Variants in DOCK1 observed in about 807,000 individuals in gnomAD.
DOCK1 encodes the protein dedicator of cytokinesis protein 1.
In DOCK1, 138 loss-of-function variants were observed where a neutral mutation model predicts 262.7. That is an observed-to-expected ratio of 0.53 (90% CI 0.46 to 0.61). The LOEUF (loss-of-function observed/expected upper bound fraction) is 0.61, where lower values mean the gene tolerates loss of function less well. Among genes scored for constraint, DOCK1 ranks in the 20% least tolerant of loss-of-function variants. DOCK1 has a pLI of 0.00. For synonymous variants in DOCK1, 866 were observed against 867.4 expected, an observed-to-expected ratio of 1.00 and a Z score of 0.03; for missense variants, 1,908 against 2,370.7, an observed-to-expected ratio of 0.80 and a Z score of 4.05.
chr10:127,219,913 C>T (rs1271959077), intron 27 of DOCK1, among the ~76,000 whole-genome samples: 1 of 152,150 alleles, frequency 6.6e-6, no homozygotes, highest in Non-Finnish European at 1.5e-5. Context: ...TGTTGACTTA[C>T]ACCCTGGCAG....
chr10:127,154,060 A>G lies in DOCK1; in HGVS notation c.2847+26296A>G, dbSNP rs2052780859. 4 of 649,002 alleles carry G rather than the reference A, an allele frequency of 6.2e-6. No homozygotes were observed. In the South Asian group the frequency reaches 7.4e-5, roughly 12 times the overall value. 40.2% of individuals were successfully genotyped at this position (649,002 alleles called of 1,614,324 possible). A position where few individuals can be genotyped will look rare whatever the true frequency, so the allele number is the denominator to read the frequency against. ...GGAAATTGATTAATGCATGCTTCCCAGTTTGCTCCTGTCTCTGCTTTCGTT... is the reference window on the plus strand; with the variant it reads ...GGAAATTGATTAATGCATGCTTCCCGGTTTGCTCCTGTCTCTGCTTTCGTT... On this transcript the variant is annotated intron_variant, in intron 27 of 51. Coordinates refer to ENST00000623213, the MANE Select transcript of DOCK1 (RefSeq NM_001290223.2).
At chr10:127,071,669 A>G (rs1039099524) in intron 23 of DOCK1, among the ~76,000 whole-genome samples, 5 of 152,174 alleles carry the variant, frequency 3.3e-5, no homozygotes, top group African/African-American at 1.2e-4. Flanking sequence ...AGTTCAGAAC[A>G]TGTGCCTGAA....
At chr10:126,985,811 A>G (rs2039338929) in intron 4 of DOCK1, among the ~76,000 whole-genome samples, 1 of 152,112 alleles carries the variant, frequency 6.6e-6, no homozygotes, top group Non-Finnish European at 1.5e-5. Flanking sequence ...CATGTTCTTC[A>G]GTAGACACTG....
intron 27 of DOCK1, among the ~76,000 whole-genome samples, chr10:127,231,368 T>C (rs2058835137): frequency 6.6e-6 from 1 of 152,110 alleles, no homozygotes; most frequent in Non-Finnish European, 1.5e-5. Flanking sequence ...ACAATGTATA[T>C]TTTAAGTGTA....
At chr10:127,439,842 C>T (rs752642307) in intron 49 of DOCK1, among the ~76,000 whole-genome samples, 12 of 152,098 alleles carry the variant, frequency 7.9e-5, no homozygotes, top group Non-Finnish European at 1.6e-4. Flanking sequence ...CAGTGAGTCT[C>T]GTTCATTCCA....
intron 47 of DOCK1, among the ~76,000 whole-genome samples, chr10:127,427,555 CAG>C (rs548051288): frequency 6.6e-6 from 1 of 152,154 alleles, no homozygotes; most frequent in African/African-American, 2.4e-5. Context: ...GTCAAGGAAA[CAG>C]GGACATGGGA....
chr10:127,124,061 C>G (rs1276427767), intron 25 of DOCK1, among the ~76,000 whole-genome samples: 1 of 152,220 alleles, frequency 6.6e-6, no homozygotes, highest in Non-Finnish European at 1.5e-5. Context: ...CACATGTGAT[C>G]CGCTGGAGAC....
At chr10:127,335,102 C>T (rs1781693780) in intron 29 of DOCK1, among the ~76,000 whole-genome samples, 1 of 152,214 alleles carries the variant, frequency 6.6e-6, no homozygotes, top group Admixed American at 6.5e-5. Flanking sequence ...CTTATTCATT[C>T]ATTCCTGTGT....
At position 126,977,359 on chromosome 10, in the gene DOCK1, G is replaced by A. The variant is rs1360514243; in HGVS notation, c.131-589G>A. On this transcript the variant is annotated intron_variant, in intron 2 of 51. Coordinates refer to ENST00000623213, the MANE Select transcript of DOCK1 (RefSeq NM_001290223.2). ...TTGGAAGGAGCGAGAAGTGGAGCCT[G>A]GGCCAAACCCAAAGGGCAGGTGTGT... Among the ~76,000 whole-genome samples the A allele has an allele frequency of 3.3e-5, 5 of 152,250 alleles. No homozygotes were observed. In the South Asian group the frequency reaches 8.3e-4, roughly 25 times the overall value.
At chr10:126,908,468 A>C (rs193280438) in intron 1 of DOCK1, among the ~76,000 whole-genome samples, 2,406 of 152,196 alleles carry the variant, frequency 0.016, 31 homozygotes, top group Non-Finnish European at 0.024. Flanking sequence ...GAGGGGTAAG[A>C]AAATGATAAA....
rs1041860130 is a variant in DOCK1, at chr10:127,012,664, G to T, written c.1201+290G>T. On this transcript the variant is annotated intron_variant, in intron 12 of 51. Transcript: ENST00000623213. This position sits in a 1 kb window ranked among gnomAD's most constrained non-coding sequence, Gnocchi z 4.0. ...GCGGTAGGCGTAACTCCCTCTGCCCGTGTTGTGTGCTAATCTTTGCCTGTT... is the reference window on the plus strand; with the variant it reads ...GCGGTAGGCGTAACTCCCTCTGCCCTTGTTGTGTGCTAATCTTTGCCTGTT... Among the ~76,000 whole-genome samples, 1 of 152,168 alleles carries T rather than the reference G, an allele frequency of 6.6e-6. No homozygotes were observed. Among genetic ancestry groups the T allele is most frequent in the Non-Finnish European group, 1.5e-5 (1 of 68,030 alleles).
intron 1 of DOCK1, among the ~76,000 whole-genome samples, chr10:126,931,991 G>T (rs977774552): frequency 4.1e-4 from 62 of 152,156 alleles, no homozygotes; most frequent in African/African-American, 1.3e-3. Flanking sequence ...TAGCAAGATG[G>T]AATAAAAGTG....
At chr10:127,378,290 T>C (rs1408673139) in intron 35 of DOCK1, among the ~76,000 whole-genome samples, 1 of 152,224 alleles carries the variant, frequency 6.6e-6, no homozygotes, top group Non-Finnish European at 1.5e-5. Flanking sequence ...ATAATGCAGA[T>C]GTCTGCGTTC....
At chr10:126,996,702 C>T (rs551729028) in intron 6 of DOCK1, 46 bp from the exon 7 acceptor site, 1 of 1,514,588 alleles carries the variant, frequency 6.6e-7, no homozygotes, top group South Asian at 1.4e-5. Context: ...AAAATTCAGC[C>T]TCCTTGGTCT....
intron 5 of DOCK1, among the ~76,000 whole-genome samples, 166 bp downstream of exon 5, chr10:126,987,783 A>C (rs2039514667): frequency 6.6e-6 from 1 of 152,162 alleles, no homozygotes; most frequent in African/African-American, 2.4e-5. Flanking sequence ...CTGAGAGTTT[A>C]GCCCCTGCTG....
At chr10:127,056,598 C>G (rs2045167417) in intron 22 of DOCK1, among the ~76,000 whole-genome samples, 1 of 152,124 alleles carries the variant, frequency 6.6e-6, no homozygotes, top group African/African-American at 2.4e-5. Context: ...TTTCCTCTCT[C>G]CTTCCCTCCT....
chr10:127,161,118 G>C (rs950861369), intron 27 of DOCK1, among the ~76,000 whole-genome samples: 15 of 152,184 alleles, frequency 9.9e-5, no homozygotes, highest in Non-Finnish European at 1.2e-4. Flanking sequence ...GTCTCACCAG[G>C]AGTTTGCCAG....
At position 126,997,995 on chromosome 10, in the gene DOCK1, T is replaced by C. The variant is rs556237798; in HGVS notation, c.610-97T>C. ...CAAGGCCTTTGCTGGGTTATGCCAA[T>C]GAGTTATTACAATTTTCTATTCTGT... On this transcript the variant is annotated intron_variant, in intron 7 of 51. Transcript: ENST00000623213. The C allele has an allele frequency of 1.0e-5, 15 of 1,482,914 alleles. 1 individual carries two copies. The South Asian group carries it at 1.7e-4, about 17-fold the overall frequency. 91.9% of individuals were successfully genotyped at this position (1,482,914 alleles called of 1,614,324 possible). A position where few individuals can be genotyped will look rare whatever the true frequency, so the allele number is the denominator to read the frequency against.
At chr10:127,229,662 G>T (rs2058768689) in intron 27 of DOCK1, among the ~76,000 whole-genome samples, 1 of 152,056 alleles carries the variant, frequency 6.6e-6, no homozygotes, top group African/African-American at 2.4e-5. Flanking sequence ...TCCCTATTTT[G>T]ACTATTGTGA....
Sources: gnomAD v4.1 joint callset for allele counts (sites outside exome capture counted in the v4.1 genomes callset) on GRCh38, gnomAD v4.1.1 for gene constraint, Gnocchi (gnomAD v3.1) non-coding constraint, MANE v1.5 for transcripts, NCBI Gene and HGNC (gene_info 2026-07-23, HGNC 2026-07-21) for gene names.